Variants in THSD7B observed in about 807,000 individuals in gnomAD.
THSD7B encodes thrombospondin type 1 domain containing 7B.
A neutral mutation model predicts 213.6 loss-of-function variants in THSD7B; 138 were observed. The observed-to-expected ratio is 0.65, with a 90% CI of 0.56 to 0.74. THSD7B has a LOEUF of 0.74. Ranked by LOEUF, THSD7B falls within the 30% of genes least tolerant of loss-of-function variation. THSD7B has a pLI of 0.00. For synonymous variants in THSD7B, 742 were observed against 687.0 expected (o/e 1.08, Z -1.25); for missense variants, 1,931 against 1,991.5 (o/e 0.97, Z 0.58).
At chr2:137,649,106 T>A (rs900265183) in intron 21 of THSD7B, among the ~76,000 whole-genome samples, 1 of 152,264 alleles carries the variant, frequency 6.6e-6, no homozygotes, top group Non-Finnish European at 1.5e-5. Flanking sequence ...TGCCCATTTT[T>A]AAATTGGATT....
intron 12 of THSD7B, among the ~76,000 whole-genome samples, chr2:137,284,826 G>C (rs975441701): frequency 5.9e-5 from 9 of 151,980 alleles, no homozygotes. Flanking sequence ...CTAACTATGT[G>C]GTCAATTTTG....
chr2:137,070,936 C>A (rs1368396590), intron 3 of THSD7B, among the ~76,000 whole-genome samples: 1 of 152,112 alleles, frequency 6.6e-6, no homozygotes, highest in Non-Finnish European at 1.5e-5. Flanking sequence ...TGTATATGTG[C>A]CACATTTTCT....
At chr2:137,157,449 G>T (rs62172323) in intron 5 of THSD7B, among the ~76,000 whole-genome samples, 1 of 152,054 alleles carries the variant, frequency 6.6e-6, no homozygotes, top group African/African-American at 2.4e-5. Context: ...AGCCGGGGCT[G>T]TTTTGGCTGG....
intron 14 of THSD7B, among the ~76,000 whole-genome samples, chr2:137,419,042 G>C (rs1179774131): frequency 3.3e-5 from 5 of 151,826 alleles, no homozygotes; most frequent in Admixed American, 2.0e-4. Flanking sequence ...CAAGTAGCTG[G>C]GATTAGAAGC....
At chr2:137,080,403 A>T (rs375031892) in intron 3 of THSD7B, among the ~76,000 whole-genome samples, 228 of 108,228 alleles carry the variant, frequency 2.1e-3, no homozygotes, top group African/African-American at 8.4e-3. Flanking sequence ...AAATAGAGAC[A>T]GGGTTTCACC....
chr2:137,210,171 T>C (rs1283490521), intron 7 of THSD7B, among the ~76,000 whole-genome samples: 2 of 152,102 alleles, frequency 1.3e-5, no homozygotes, highest in African/African-American at 4.8e-5. Context: ...TATTTTGTTA[T>C]GGTAGTCCAA....
rs964429978 is a variant in THSD7B at position 137,375,572 on chromosome 2, G to T, written c.2501-30041G>T. On this transcript the variant is annotated intron_variant, in intron 12 of 27. Transcript: ENST00000409968. Reference sequence around the variant, plus strand: ...AAAGTCTTGTGCAAGACACGAAGGTGTATGACTAATGAATATATATAGTAT... The same window carrying T: ...AAAGTCTTGTGCAAGACACGAAGGTTTATGACTAATGAATATATATAGTAT... Among the ~76,000 whole-genome samples the T allele has an allele frequency of 7.9e-5, 12 of 152,290 alleles. No homozygotes were observed. The East Asian group carries it at 2.1e-3, about 27-fold the overall frequency.
rs577243194 is a variant in THSD7B, at chr2:136,869,578, A to G, written c.-35-12566A>G. Among the ~76,000 whole-genome samples, 54 of 152,336 alleles carry G rather than the reference A, an allele frequency of 3.5e-4. No individual in the cohort carries two copies. In the South Asian group the frequency reaches 0.011, roughly 31 times the overall value. Reference sequence around the variant, plus strand: ...CAGTCGTTGTTGAATAATAATGTAAAACGGTCCTACCATAAGAAGTAAAAA... The same window carrying G: ...CAGTCGTTGTTGAATAATAATGTAAGACGGTCCTACCATAAGAAGTAAAAA... On this transcript the variant is annotated intron_variant, in intron 1 of 27. Transcript: ENST00000409968.
intron 2 of THSD7B, among the ~76,000 whole-genome samples, chr2:137,048,341 C>A (rs1364352411): frequency 6.6e-6 from 1 of 151,820 alleles, no homozygotes; most frequent in Non-Finnish European, 1.5e-5. Flanking sequence ...AGTTTCAAAA[C>A]AAAAAATTAT....
intron 3 of THSD7B, among the ~76,000 whole-genome samples, chr2:137,091,651 C>G (rs1687950640): frequency 6.6e-6 from 1 of 152,088 alleles, no homozygotes; most frequent in African/African-American, 2.4e-5. Context: ...GCTGTGTCTT[C>G]ACATGGTCTT....
intron 9 of THSD7B, among the ~76,000 whole-genome samples, chr2:137,240,767 G>A (rs780163771): frequency 3.9e-5 from 6 of 152,066 alleles, no homozygotes; most frequent in Middle Eastern, 3.2e-3. Context: ...CTCTTGCCTC[G>A]GCCTCCCAAA....
At chr2:137,417,297 ACT>A (rs2105020978) in intron 14 of THSD7B, among the ~76,000 whole-genome samples, 1 of 152,258 alleles carries the variant, frequency 6.6e-6, no homozygotes, top group African/African-American at 2.4e-5. Flanking sequence ...TTCTCTTACA[ACT>A]CTATATGAAC....
chr2:137,042,700 G>T (rs1301680516), intron 2 of THSD7B, among the ~76,000 whole-genome samples: 1 of 152,140 alleles, frequency 6.6e-6, no homozygotes, highest in South Asian at 2.1e-4. Context: ...TCCAGGAAAG[G>T]CAGGGGACAG....
intron 12 of THSD7B, among the ~76,000 whole-genome samples, chr2:137,401,119 A>G (rs1686345854): frequency 6.6e-6 from 1 of 152,196 alleles, no homozygotes. Flanking sequence ...ATCCTCAGAA[A>G]TGTTCTCTGA....
intron 2 of THSD7B, among the ~76,000 whole-genome samples, chr2:136,954,491 C>A (rs374197386): frequency 1.3e-5 from 2 of 151,858 alleles, no homozygotes; most frequent in African/African-American, 4.8e-5. Context: ...CCGAGGCGGG[C>A]GGATCTTGAG....
At chr2:137,032,842 G>T (rs1686700330) in intron 2 of THSD7B, among the ~76,000 whole-genome samples, 1 of 151,996 alleles carries the variant, frequency 6.6e-6, no homozygotes, top group African/African-American at 2.4e-5. Context: ...TAAAATTCTG[G>T]TTTTCATGTC....
intron 20 of THSD7B, among the ~76,000 whole-genome samples, chr2:137,624,397 C>T (rs1682582895): frequency 6.6e-6 from 1 of 152,142 alleles, no homozygotes; most frequent in Non-Finnish European, 1.5e-5. Flanking sequence ...CTAGGCAATA[C>T]CATTCAGGAC....
intron 17 of THSD7B, among the ~76,000 whole-genome samples, chr2:137,587,142 T>C (rs1681750891): frequency 1.3e-5 from 2 of 152,344 alleles, no homozygotes; most frequent in South Asian, 4.1e-4. Context: ...TACTGAAGCT[T>C]GTGCATTTGT....
chr2:137,548,531 A>G (rs1431004690), intron 15 of THSD7B, among the ~76,000 whole-genome samples: 1 of 151,966 alleles, frequency 6.6e-6, no homozygotes, highest in Non-Finnish European at 1.5e-5. Flanking sequence ...ATATCTCACA[A>G]TATAAATCTC....
Sources: gnomAD v4.1 joint callset for allele counts (sites outside exome capture counted in the v4.1 genomes callset) on GRCh38, gnomAD v4.1.1 for gene constraint, MANE v1.5 for transcripts, NCBI Gene and HGNC (gene_info 2026-07-23, HGNC 2026-07-21) for gene names.